CAMTA1: variants seen among roughly 807,000 people sequenced by gnomAD.
CAMTA1 encodes the protein calmodulin-binding transcription activator 1.
CAMTA1 carries 27 observed loss-of-function variants against 170.9 expected under a neutral mutation model. That is an observed-to-expected ratio of 0.16 (90% CI 0.12 to 0.22). CAMTA1 has a LOEUF of 0.22. Among genes scored for constraint, CAMTA1 ranks in the 10% least tolerant of loss-of-function variants. The pLI is 1.00. For missense variants in CAMTA1, 1,619 were observed against 2,217.2 expected, an observed-to-expected ratio of 0.73 and a Z score of 5.42; for synonymous variants, 833 against 891.5, an observed-to-expected ratio of 0.93 and a Z score of 1.17.
chr1:6,969,288 G>A (rs1692113436), intron 3 of CAMTA1, among the ~76,000 whole-genome samples: 1 of 152,242 alleles, frequency 6.6e-6, no homozygotes, highest in Non-Finnish European at 1.5e-5. Context: ...GGTGGTGTTT[G>A]TGGTTTGTGG....
chr1:7,655,283 TACAC>T (rs144411155), intron 7 of CAMTA1, among the ~76,000 whole-genome samples: 5 of 49,230 alleles, frequency 1.0e-4, no homozygotes, highest in African/African-American at 1.2e-4. Flanking sequence ...CACACCGTTA[TACAC>T]ACACACACCT....
chr1:7,083,594 T>C (rs1223122359), intron 3 of CAMTA1, among the ~76,000 whole-genome samples: 1 of 152,198 alleles, frequency 6.6e-6, no homozygotes, highest in Non-Finnish European at 1.5e-5. Flanking sequence ...CCCGTCGGCT[T>C]CATGCACAGG....
intron 3 of CAMTA1, among the ~76,000 whole-genome samples, chr1:6,981,385 T>A (rs574477962): frequency 6.6e-6 from 1 of 152,346 alleles, no homozygotes; most frequent in Non-Finnish European, 1.5e-5. Flanking sequence ...TATTTTTACA[T>A]AGCAGAATTT....
chr1:7,507,745 G>T (rs577578730), intron 6 of CAMTA1, among the ~76,000 whole-genome samples: 7 of 152,198 alleles, frequency 4.6e-5, no homozygotes, highest in Non-Finnish European at 7.3e-5. Context: ...CACGGGCCAC[G>T]TCCAGATAAG....
intron 5 of CAMTA1, among the ~76,000 whole-genome samples, chr1:7,334,786 G>A (rs1441487393): frequency 1.3e-5 from 2 of 152,122 alleles, no homozygotes; most frequent in African/African-American, 4.8e-5. Context: ...CTGTCATTCG[G>A]TATGCAAATG....
In CAMTA1 at chr1:6,887,680, C is replaced by T. The variant is rs765307011; in HGVS notation, c.234+62470C>T. On this transcript the variant is annotated intron_variant, in intron 3 of 22. Transcript: ENST00000303635. This position sits in a 1 kb window ranked among gnomAD's most constrained non-coding sequence, Gnocchi z 4.1. ...CTCTCACCACACACTTGTTCATGGG[C>T]GCAGCAAAGAAGAGGGATCCACAGA... 160 of 1,535,186 alleles carry T rather than the reference C, an allele frequency of 1.0e-4. 2 individuals are homozygous for T. The Middle Eastern group carries it at 2.3e-3, about 22-fold the overall frequency.
At chr1:7,647,882 A>G (rs1443102209) in intron 7 of CAMTA1, among the ~76,000 whole-genome samples, 1 of 152,206 alleles carries the variant, frequency 6.6e-6, no homozygotes, top group African/African-American at 2.4e-5. Flanking sequence ...CCAGGAGTTC[A>G]AGATCAGCCT....
Position 7,293,839 on chromosome 1 carries a change from G to A in CAMTA1, c.438+44213G>A, listed in dbSNP as rs1037994439. ...GCCCCTCGCTTTTCTCTGAAAACTC[G>A]GCATGCCCCGGGGGGCCTCTTTGGA... On this transcript the variant is annotated intron_variant, in intron 5 of 22. Transcript: ENST00000303635. This position sits in a 1 kb window ranked among gnomAD's most constrained non-coding sequence, Gnocchi z 4.1. 2.0e-5 allele frequency among the ~76,000 whole-genome samples: 3 copies of A among 152,200 alleles called. No individual in the cohort carries two copies. The highest frequency in any genetic ancestry group is 4.4e-5 in the Non-Finnish European group (3 of 68,044).
At chr1:7,689,549 A>G (rs2096288000) in intron 11 of CAMTA1, among the ~76,000 whole-genome samples, 1 of 152,184 alleles carries the variant, frequency 6.6e-6, no homozygotes, top group African/African-American at 2.4e-5. Flanking sequence ...ATTGCACTCT[A>G]GCCTGAGTGA....
rs370635366 is a variant in CAMTA1 at position 7,606,337 on chromosome 1, G to A, written c.511-34063G>A. 3.2e-4 allele frequency among the ~76,000 whole-genome samples: 49 copies of A among 152,292 alleles called. No individual in the cohort carries two copies. The East Asian group carries it at 9.3e-3, about 29-fold the overall frequency. On this transcript the variant is annotated intron_variant, in intron 6 of 22. Coordinates refer to ENST00000303635, the MANE Select transcript of CAMTA1 (RefSeq NM_015215.4). Reference sequence around the variant, plus strand: ...CGGCCATGATGCAGGCTGGGAAGTGGTTCATTTAAGATGGCACTTGTTGGG... The same window carrying A: ...CGGCCATGATGCAGGCTGGGAAGTGATTCATTTAAGATGGCACTTGTTGGG...
chr1:7,382,750 C>T (rs2087477553), intron 5 of CAMTA1: 2 of 152,050 alleles, frequency 1.3e-5, no homozygotes, highest in African/African-American at 2.4e-5. Context: ...AAAAGGACAA[C>T]AATATTTGAC....
Position 7,751,222 on chromosome 1 carries a change from A to C in CAMTA1, c.4713A>C (p.Thr1571=). 1 of 1,594,516 alleles carries C rather than the reference A, an allele frequency of 6.3e-7. No homozygotes were observed. Among genetic ancestry groups the C allele is most frequent in the Non-Finnish European group, 8.5e-7 (1 of 1,173,740 alleles). The change falls in exon 20 of 23, where the codon ACA becomes ACC. Residue 1571 remains threonine (T), a synonymous_variant. Transcript: ENST00000303635. ...YKQYALYKKM[T]QAAILIQSKF... Reference sequence around the variant, plus strand: ...AGTACGCACTTTATAAAAAGATGACACAGGCTGCCATCCTTATCCAGAGCA... The same window carrying C: ...AGTACGCACTTTATAAAAAGATGACCCAGGCTGCCATCCTTATCCAGAGCA...
chr1:7,727,901 C>A (rs1199351407), intron 11 of CAMTA1, among the ~76,000 whole-genome samples: 1 of 152,262 alleles, frequency 6.6e-6, no homozygotes, highest in Non-Finnish European at 1.5e-5. Context: ...GAAAGTCTCT[C>A]TGAACTTGCA....
intron 4 of CAMTA1, among the ~76,000 whole-genome samples, chr1:7,245,964 C>T (rs565203744): frequency 6.6e-6 from 1 of 152,328 alleles, no homozygotes; most frequent in East Asian, 1.9e-4. Context: ...ACATAGGGCA[C>T]TCAGAGCGAC....
In CAMTA1 at chr1:7,098,129, G is replaced by A. The variant is rs554541368; in HGVS notation, c.302+6758G>A. ...TGTGTGTGTGTGTGTGTGCACGTGC[G>A]CGTGCGTGCGCATGCGTGTGTGTGC... On this transcript the variant is annotated intron_variant, in intron 4 of 22. Transcript: ENST00000303635. Among the ~76,000 whole-genome samples, 16 of 151,566 alleles carry A rather than the reference G, an allele frequency of 1.1e-4. No individual in the cohort carries two copies. In the South Asian group the frequency reaches 1.5e-3, roughly 14 times the overall value.
chr1:7,270,479 A>T (rs1487898804), intron 5 of CAMTA1, among the ~76,000 whole-genome samples: 2 of 151,840 alleles, frequency 1.3e-5, no homozygotes, highest in African/African-American at 4.8e-5. Context: ...TATTTTTAGT[A>T]GAGAGGGGGT....
In CAMTA1 at chr1:7,556,573, T is replaced by A. The variant is rs143716822; in HGVS notation, c.511-83827T>A. ...CATCACCTCGCCAATTCAACACCAC[T>A]GTTCTAAGGGTGGCCACTGTGGCCA... is the stretch of plus-strand genomic sequence containing the variant. On this transcript the variant is annotated intron_variant, in intron 6 of 22. Coordinates refer to ENST00000303635, the MANE Select transcript of CAMTA1 (RefSeq NM_015215.4). 1.4e-4 allele frequency among the ~76,000 whole-genome samples: 21 copies of A among 152,292 alleles called. 1 individual carries two copies. Among genetic ancestry groups the A allele is most frequent in the Middle Eastern group, 3.4e-3 (1 of 294 alleles).
At chr1:7,340,992 G>T (rs1007622343) in intron 5 of CAMTA1, among the ~76,000 whole-genome samples, 22 of 152,210 alleles carry the variant, frequency 1.4e-4, no homozygotes, top group African/African-American at 5.3e-4. Flanking sequence ...AAGTAGCCTG[G>T]GCTGGCCAGG....
chr1:7,440,031 G>A (rs1486566571), intron 5 of CAMTA1, among the ~76,000 whole-genome samples: 2 of 152,280 alleles, frequency 1.3e-5, no homozygotes, highest in Non-Finnish European at 2.9e-5. Flanking sequence ...CTCCTGGAAC[G>A]CAGGCAGCAC....
Sources: gnomAD v4.1 joint callset for allele counts (sites outside exome capture counted in the v4.1 genomes callset) on GRCh38, gnomAD v4.1.1 for gene constraint, Gnocchi (gnomAD v3.1) non-coding constraint, MANE v1.5 for transcripts, NCBI Gene and HGNC (gene_info 2026-07-23, HGNC 2026-07-21) for gene names.